The following SDC2 variants were observed in gnomAD, a reference collection of about 807,000 sequenced individuals.
The protein encoded by SDC2 is syndecan 2, also known as syndecan-2.
A neutral mutation model predicts 22.2 loss-of-function variants in SDC2; 13 were observed. That is an observed-to-expected ratio of 0.59 (90% CI 0.38 to 0.93). The LOEUF (loss-of-function observed/expected upper bound fraction) is 0.93, where lower values mean the gene tolerates loss of function less well. Ranked by LOEUF, SDC2 falls within the 40% of genes least tolerant of loss-of-function variation. The pLI, the probability that SDC2 is intolerant of heterozygous loss-of-function variation, is 0.00. For missense variants in SDC2, 235 were observed against 246.8 expected, an observed-to-expected ratio of 0.95 and a Z score of 0.32; for synonymous variants, 94 against 92.8, an observed-to-expected ratio of 1.01 and a Z score of -0.07.
At chr8:96,570,556 TGAA>T (rs1278586397) in intron 1 of SDC2, among the ~76,000 whole-genome samples, 3 of 151,752 alleles carry the variant, frequency 2.0e-5, no homozygotes, top group Non-Finnish European at 4.4e-5. Flanking sequence ...GAAAGGCAAA[TGAA>T]GAAAATAAAA....
intron 1 of SDC2, among the ~76,000 whole-genome samples, chr8:96,528,028 C>A (rs907485399): frequency 4.0e-5 from 6 of 151,844 alleles, no homozygotes; most frequent in African/African-American, 1.2e-4. Flanking sequence ...AATAATCCAA[C>A]AAAATAGCAC....
intron 1 of SDC2, among the ~76,000 whole-genome samples, chr8:96,512,523 A>G (rs1455216982): frequency 6.6e-6 from 1 of 152,186 alleles, no homozygotes; most frequent in African/African-American, 2.4e-5. Context: ...GAACTGTTTA[A>G]TAGCAGGCTT....
chr8:96,596,485 A>G (rs574094162), intron 2 of SDC2, among the ~76,000 whole-genome samples: 64 of 152,282 alleles, frequency 4.2e-4, no homozygotes, highest in Non-Finnish European at 8.8e-5. Context: ...CTTCATAAGC[A>G]TTTGCTGTGT....
chr8:96,517,734 T>C (rs1813424612), intron 1 of SDC2, among the ~76,000 whole-genome samples: 1 of 143,008 alleles, frequency 7.0e-6, no homozygotes, highest in Non-Finnish European at 1.5e-5. Flanking sequence ...TGTATGTATA[T>C]ATGTGTGTGC....
intron 1 of SDC2, chr8:96,537,291 T>A (rs1813768927): frequency 6.6e-6 from 1 of 152,176 alleles, no homozygotes; most frequent in Non-Finnish European, 1.5e-5. Context: ...ATGTTTTTTC[T>A]TTTTTTAGAT....
chr8:96,557,544 A>T (rs1329501094), intron 1 of SDC2, among the ~76,000 whole-genome samples: 1 of 149,108 alleles, frequency 6.7e-6, no homozygotes, highest in African/African-American at 2.5e-5. Flanking sequence ...CAAACACCGC[A>T]TATTCTCACT....
Position 96,609,647 on chromosome 8 carries a change from A to G in SDC2, c.*99A>G. 1 of 789,868 alleles carries G rather than the reference A, an allele frequency of 1.3e-6. No individual in the cohort carries two copies. The highest frequency in any genetic ancestry group is 3.0e-4 in the Middle Eastern group (1 of 3,292). 48.9% of individuals were successfully genotyped at this position (789,868 alleles called of 1,614,324 possible). ...GATCTTTGTTTTTTGTTTTCATTAA[A>G]GAGCCATTCTGGCACTTTAATGATA... is the stretch of plus-strand genomic sequence containing the variant. On this transcript the variant is annotated 3_prime_UTR_variant, in exon 5 of 5. Coordinates refer to ENST00000302190, the MANE Select transcript of SDC2 (RefSeq NM_002998.4).
intron 1 of SDC2, among the ~76,000 whole-genome samples, chr8:96,533,428 T>A (rs1194083722): frequency 6.6e-6 from 1 of 152,200 alleles, no homozygotes; most frequent in African/African-American, 2.4e-5. Context: ...AAATTCTCTA[T>A]GTCCTCACTA....
chr8:96,508,431 C>T (rs2250210), intron 1 of SDC2, among the ~76,000 whole-genome samples: 1 of 148,634 alleles, frequency 6.7e-6, no homozygotes, highest in South Asian at 2.1e-4. Flanking sequence ...AGGCGGAGGT[C>T]GCAGTGAGCA....
At chr8:96,531,435 G>A (rs1001477032) in intron 1 of SDC2, among the ~76,000 whole-genome samples, 1 of 152,030 alleles carries the variant, frequency 6.6e-6, no homozygotes, top group African/African-American at 2.4e-5. Flanking sequence ...AGAATAAAAG[G>A]CTCTTTTAAA....
intron 1 of SDC2, among the ~76,000 whole-genome samples, chr8:96,554,005 G>T (rs1814069210): frequency 6.6e-6 from 1 of 152,062 alleles, no homozygotes; most frequent in South Asian, 2.1e-4. Context: ...GCCCAGGCTA[G>T]TCTTGAACTC....
chr8:96,589,717 AG>A (rs1814746212), intron 1 of SDC2, among the ~76,000 whole-genome samples: 2 of 152,192 alleles, frequency 1.3e-5, no homozygotes, highest in African/African-American at 2.4e-5. Flanking sequence ...GGCCCAACTA[AG>A]GAGTTTTTAT....
At chr8:96,590,401 G>T (rs542538571) in intron 1 of SDC2, among the ~76,000 whole-genome samples, 1 of 152,176 alleles carries the variant, frequency 6.6e-6, no homozygotes, top group Non-Finnish European at 1.5e-5. Flanking sequence ...TGTGTGCAGA[G>T]TATGTCCCGA....
intron 1 of SDC2, among the ~76,000 whole-genome samples, chr8:96,582,458 C>T (rs1814604657): frequency 6.6e-6 from 1 of 152,136 alleles, no homozygotes; most frequent in South Asian, 2.1e-4. Flanking sequence ...AGATTTATTC[C>T]TTCTTTTTTA....
chr8:96,585,853 G>GT (rs199970598), intron 1 of SDC2, among the ~76,000 whole-genome samples: 2,108 of 144,216 alleles, frequency 0.015, 30 homozygotes, highest in African/African-American at 0.039. Flanking sequence ...CTGGCAAGAG[G>GT]TTTTTTTTTT....
chr8:96,516,875 T>C (rs567934619), intron 1 of SDC2, among the ~76,000 whole-genome samples: 3 of 152,340 alleles, frequency 2.0e-5, no homozygotes, highest in Admixed American at 1.3e-4. Context: ...TTAGGAGTAA[T>C]GCCGCCATAA....
At chr8:96,574,252 A>C (rs772753271) in intron 1 of SDC2, among the ~76,000 whole-genome samples, 9 of 152,150 alleles carry the variant, frequency 5.9e-5, no homozygotes, top group African/African-American at 2.2e-4. Flanking sequence ...CTAGATCTTC[A>C]TGGGGAAACC....
At chr8:96,559,953 T>G (rs1398975733) in intron 1 of SDC2, among the ~76,000 whole-genome samples, 1 of 152,100 alleles carries the variant, frequency 6.6e-6, no homozygotes, top group Non-Finnish European at 1.5e-5. Flanking sequence ...ATTTGCCTCC[T>G]TAATTGTCAA....
intron 1 of SDC2, among the ~76,000 whole-genome samples, chr8:96,538,401 A>C (rs924275011): frequency 2.0e-5 from 2 of 97,602 alleles, no homozygotes; most frequent in Non-Finnish European, 5.8e-5. Flanking sequence ...AAAAGTACTA[A>C]AGATAAAAAA....
Sources: gnomAD v4.1 joint callset for allele counts (sites outside exome capture counted in the v4.1 genomes callset) on GRCh38, gnomAD v4.1.1 for gene constraint, MANE v1.5 for transcripts, NCBI Gene and HGNC (gene_info 2026-07-23, HGNC 2026-07-21) for gene names.